Variants in COL8A1 observed in about 807,000 individuals in gnomAD.
COL8A1 encodes the protein collagen type VIII alpha 1 chain.
Under a neutral mutation model 42.7 loss-of-function variants are expected in COL8A1, and 21 were observed. The observed-to-expected ratio is 0.49, with a 90% CI of 0.35 to 0.71. The LOEUF (loss-of-function observed/expected upper bound fraction) is 0.71. Ranked by LOEUF, COL8A1 falls within the 30% of genes least tolerant of loss-of-function variation. The pLI is 0.01. For synonymous variants in COL8A1, 367 were observed against 369.1 expected, an observed-to-expected ratio of 0.99 and a Z score of 0.06; for missense variants, 788 against 962.4, an observed-to-expected ratio of 0.82 and a Z score of 2.40.
chr3:99,761,533 A>G (rs954891708), intron 2 of COL8A1, among the ~76,000 whole-genome samples: 1 of 152,230 alleles, frequency 6.6e-6, no homozygotes, highest in African/African-American at 2.4e-5. Flanking sequence ...CTCCTTGCAC[A>G]TGATACAGGA....
Position 99,795,213 on chromosome 3 carries a change from G to A in COL8A1, c.1312G>A (p.Gly438Arg), listed in dbSNP as rs1419744382. The part of the protein sequence containing the change: ...KGEPGLQGFP[G>R]KPGFLGEVGP... ...TGAGCCAGGGCTTCAAGGCTTCCCA[G>A]GAAAGCCAGGTTTCCTTGGTGAAGT... is the stretch of plus-strand genomic sequence containing the variant. The change falls in exon 4 of 4, where the codon GGA becomes AGA. Residue 438 changes from glycine to arginine, a missense_variant. Coordinates refer to ENST00000652472, the MANE Select transcript of COL8A1 (RefSeq NM_020351.4). 6.2e-7 allele frequency: 1 copy of A among 1,613,550 alleles called. No individual in the cohort carries two copies. Among genetic ancestry groups the A allele is most frequent in the Non-Finnish European group, 8.5e-7 (1 of 1,179,770 alleles).
At chr3:99,770,425 G>T (rs1302734956) in intron 2 of COL8A1, among the ~76,000 whole-genome samples, 1 of 152,158 alleles carries the variant, frequency 6.6e-6, no homozygotes, top group Non-Finnish European at 1.5e-5. Flanking sequence ...GGCCTAGCCT[G>T]CTTTTTAAAG....
chr3:99,647,128 G>T (rs1937671605), intron 1 of COL8A1, among the ~76,000 whole-genome samples: 1 of 152,072 alleles, frequency 6.6e-6, no homozygotes, highest in Admixed American at 6.5e-5. Flanking sequence ...ATTTTTATAT[G>T]CTATATATAT....
chr3:99,696,627 C>G (rs1418573135), intron 1 of COL8A1, among the ~76,000 whole-genome samples: 1 of 152,206 alleles, frequency 6.6e-6, no homozygotes, highest in East Asian at 1.9e-4. Context: ...TGGCCAGCCA[C>G]TGGTGGGAGA....
Position 99,796,327 on chromosome 3 carries a change from T to G in COL8A1, c.*191T>G, listed in dbSNP as rs910034435. On this transcript the variant is annotated 3_prime_UTR_variant, in exon 4 of 4. Coordinates refer to ENST00000652472, the MANE Select transcript of COL8A1 (RefSeq NM_020351.4). The stretch of plus-strand genomic sequence containing the variant: ...ATGTTTAATACTCCACACAGCAGCC[T>G]GTAATTGCGAATGATGGGATAGAGT... The G allele has an allele frequency of 6.3e-6, 3 of 474,154 alleles. No individual in the cohort carries two copies. Among genetic ancestry groups the G allele is most frequent in the Non-Finnish European group, 1.1e-5 (3 of 271,052 alleles). 29.4% of individuals were successfully genotyped at this position (474,154 alleles called of 1,614,324 possible).
intron 2 of COL8A1, among the ~76,000 whole-genome samples, chr3:99,750,336 C>G (rs192888091): frequency 1.3e-5 from 2 of 151,934 alleles, no homozygotes; most frequent in Admixed American, 1.3e-4. Context: ...GGATTACAGG[C>G]GTGAGCCACT....
chr3:99,657,216 A>C (rs1286067460), intron 1 of COL8A1, among the ~76,000 whole-genome samples: 1 of 152,230 alleles, frequency 6.6e-6, no homozygotes, highest in Non-Finnish European at 1.5e-5. Context: ...TGATGATCGC[A>C]TCCCAAGCTT....
chr3:99,775,370 C>T (rs764512992), intron 2 of COL8A1, among the ~76,000 whole-genome samples: 4 of 152,094 alleles, frequency 2.6e-5, no homozygotes, highest in Non-Finnish European at 4.4e-5. Flanking sequence ...TTGGGAAGCA[C>T]GAGACCCTCT....
chr3:99,644,308 A>C (rs183356649), intron 1 of COL8A1, among the ~76,000 whole-genome samples: 1 of 152,310 alleles, frequency 6.6e-6, no homozygotes, highest in East Asian at 1.9e-4. Context: ...GTGGGAAAGG[A>C]ACCTCATTTC....
chr3:99,707,375 G>A (rs953872127), intron 1 of COL8A1, among the ~76,000 whole-genome samples: 1 of 152,178 alleles, frequency 6.6e-6, no homozygotes, highest in African/African-American at 2.4e-5. Context: ...CCAGGTGTTG[G>A]TTTGAACTCA....
At chr3:99,709,375 A>C (rs560358548) in intron 1 of COL8A1, among the ~76,000 whole-genome samples, 1 of 152,164 alleles carries the variant, frequency 6.6e-6, no homozygotes, top group Non-Finnish European at 1.5e-5. Context: ...CTAACCCTGC[A>C]TCATACTGGT....
At chr3:99,671,903 T>C (rs1253755794) in intron 1 of COL8A1, among the ~76,000 whole-genome samples, 1 of 152,050 alleles carries the variant, frequency 6.6e-6, no homozygotes. Flanking sequence ...CTAGCCAAGA[T>C]ATAGACATCA....
At chr3:99,713,598 G>C (rs1428884591) in intron 1 of COL8A1, among the ~76,000 whole-genome samples, 1 of 152,058 alleles carries the variant, frequency 6.6e-6, no homozygotes, top group Non-Finnish European at 1.5e-5. Context: ...TCCCTCTAAA[G>C]CATTCTTTCA....
At chr3:99,764,004 G>A (rs918313197) in intron 2 of COL8A1, among the ~76,000 whole-genome samples, 1 of 152,280 alleles carries the variant, frequency 6.6e-6, no homozygotes, top group East Asian at 1.9e-4. Flanking sequence ...GTAGTTGGAG[G>A]CTTGACCTAG....
chr3:99,747,201 C>T (rs1430608422), intron 2 of COL8A1, among the ~76,000 whole-genome samples: 2 of 152,046 alleles, frequency 1.3e-5, no homozygotes, highest in African/African-American at 4.8e-5. Context: ...AATATAGATT[C>T]CTGAATGATA....
At chr3:99,792,165 A>T (rs781699440) in intron 3 of COL8A1, among the ~76,000 whole-genome samples, 1 of 152,230 alleles carries the variant, frequency 6.6e-6, no homozygotes, top group Admixed American at 6.5e-5. Context: ...TAAAGAAAGT[A>T]TTCCTGACTT....
At chr3:99,676,039 T>G (rs542248056) in intron 1 of COL8A1, among the ~76,000 whole-genome samples, 39 of 152,262 alleles carry the variant, frequency 2.6e-4, no homozygotes, top group Non-Finnish European at 4.9e-4. Context: ...AACTATCATC[T>G]GACATTAAAA....
intron 1 of COL8A1, among the ~76,000 whole-genome samples, chr3:99,674,432 T>A (rs1382721957): frequency 6.6e-6 from 1 of 151,256 alleles, no homozygotes; most frequent in East Asian, 1.9e-4. Context: ...TAAAGTGTAT[T>A]GTCTCCTTTT....
chr3:99,665,828 C>T (rs4928139), intron 1 of COL8A1, among the ~76,000 whole-genome samples: 5,138 of 151,054 alleles, frequency 0.034, 143 homozygotes, highest in East Asian at 0.062. Context: ...ATTACAGGTG[C>T]CCGCTGCCAC....
Sources: allele counts gnomAD v4.1 joint callset (sites outside exome capture counted in the v4.1 genomes callset), GRCh38; gene constraint gnomAD v4.1.1; transcripts MANE v1.5; gene names NCBI Gene and HGNC (gene_info 2026-07-23, HGNC 2026-07-21).